Variants in AADACL4 observed in about 807,000 individuals in gnomAD.
AADACL4 encodes arylacetamide deacetylase-like 4.
Under a neutral mutation model 14.1 loss-of-function variants are expected in AADACL4, and 9 were observed. That is an observed-to-expected ratio of 0.64 (90% CI 0.39 to 1.12). The LOEUF (loss-of-function observed/expected upper bound fraction) is 1.12, where lower values mean the gene tolerates loss of function less well. Ranked by LOEUF, AADACL4 falls within the 50% of genes most tolerant of loss-of-function variation. The pLI is 0.01. For missense variants in AADACL4, 531 were observed against 516.1 expected (o/e 1.03, Z -0.28); for synonymous variants, 188 against 201.6 (o/e 0.93, Z 0.57).
chr1:12,662,384 G>A (rs867072570), intron 3 of AADACL4, among the ~76,000 whole-genome samples: 1 of 152,182 alleles, frequency 6.6e-6, no homozygotes, highest in Non-Finnish European at 1.5e-5. Context: ...TGATGGTGGG[G>A]TTGGTGAAGG....
intron 2 of AADACL4, among the ~76,000 whole-genome samples, chr1:12,653,304 G>A (rs545026234): frequency 7.2e-5 from 11 of 151,932 alleles, no homozygotes; most frequent in South Asian, 4.1e-4. Context: ...AACCATTTGC[G>A]TCAAGAAGAC....
intron 2 of AADACL4, among the ~76,000 whole-genome samples, chr1:12,657,751 G>A (rs566438902): frequency 6.6e-6 from 1 of 152,238 alleles, no homozygotes; most frequent in African/African-American, 2.4e-5. Flanking sequence ...GACCAAAATG[G>A]GTGTCCCAGA....
chr1:12,665,030 A>G (rs2100771596), intron 3 of AADACL4, among the ~76,000 whole-genome samples: 1 of 152,054 alleles, frequency 6.6e-6, no homozygotes, highest in East Asian at 1.9e-4. Context: ...TTCCGTCTCT[A>G]CATTACACCT....
intron 1 of AADACL4, among the ~76,000 whole-genome samples, chr1:12,648,480 G>A (rs777473314): frequency 1.3e-5 from 2 of 150,888 alleles, no homozygotes; most frequent in Non-Finnish European, 2.9e-5. Flanking sequence ...CACTGCAACC[G>A]CCATCTTCCG....
chr1:12,649,090 G>T (rs1647129800), intron 1 of AADACL4, among the ~76,000 whole-genome samples: 1 of 152,212 alleles, frequency 6.6e-6, no homozygotes, highest in African/African-American at 2.4e-5. Context: ...AGCCCCAGAG[G>T]AGTTCTAAAG....
In AADACL4 at chr1:12,666,080, G is replaced by C. The variant is rs1282206357; in HGVS notation, c.569G>C (p.Cys190Ser). 1 of 1,614,242 alleles carries C rather than the reference G, an allele frequency of 6.2e-7. No individual in the cohort carries two copies. Residue 190 changes from cysteine (C) to serine (S), a missense_variant, in exon 4 of 4, where the codon TGT (cysteine) becomes TCT (serine). Transcript: ENST00000376221. ...YGVDPSRVVV[C>S]GESVGGAAVA... is the part of the protein sequence containing the mutation. Reference sequence around the variant, plus strand: ...GTGGACCCCTCCAGGGTTGTGGTCTGTGGAGAAAGCGTCGGAGGTGCAGCG... The same window carrying C: ...GTGGACCCCTCCAGGGTTGTGGTCTCTGGAGAAAGCGTCGGAGGTGCAGCG...
chr1:12,646,743 G>A (rs1647113556), intron 1 of AADACL4, among the ~76,000 whole-genome samples: 1 of 152,250 alleles, frequency 6.6e-6, no homozygotes, highest in Non-Finnish European at 1.5e-5. Flanking sequence ...GTTCACAGGG[G>A]ACTCTGAGAT....
intron 2 of AADACL4, among the ~76,000 whole-genome samples, chr1:12,658,479 G>A (rs561651642): frequency 5.3e-5 from 8 of 152,192 alleles, no homozygotes; most frequent in Admixed American, 2.6e-4. Context: ...AGCTGGTGTC[G>A]AACTCCTGAC....
rs1337429862 is a variant in AADACL4 at position 12,644,650 on chromosome 1, C to T, written c.104C>T (p.Ala35Val). ...CACTTCCTCACCACGGATATCCCTG[C>T]TACCTTGCAGCATCCTGCCAAGTTG... ...FEHFLTTDIPATLQHPAKLRF... is the reference protein window; with the variant it reads ...FEHFLTTDIPVTLQHPAKLRF... The change falls in exon 1 of 4, where the codon GCT becomes GTT. Residue 35 changes from alanine (A) to valine (V), a missense_variant. Transcript: ENST00000376221. 7 of 1,614,014 alleles carry T rather than the reference C, an allele frequency of 4.3e-6. No individual in the cohort carries two copies. The highest frequency in any genetic ancestry group is 1.7e-5 in the Admixed American group (1 of 60,008).
chr1:12,647,580 A>G (rs375852335), intron 1 of AADACL4, among the ~76,000 whole-genome samples: 5 of 152,286 alleles, frequency 3.3e-5, no homozygotes, highest in South Asian at 2.1e-4. Context: ...AAAAGTTGCT[A>G]TGAATGATTT....
rs551580739 is a variant in AADACL4, at chr1:12,665,023, C to T, written c.450-938C>T. 1.8e-4 allele frequency among the ~76,000 whole-genome samples: 28 copies of T among 152,128 alleles called. No individual in the cohort carries two copies. In the South Asian group the frequency reaches 3.3e-3, roughly 18 times the overall value. ...GCTGTGGGTTTCCAGGCTAGCTTTC[C>T]GTCTCTACATTACACCTTCAGAACA... On this transcript the variant is annotated intron_variant, in intron 3 of 3. Transcript: ENST00000376221.
chr1:12,651,423 T>C, intron 2 of AADACL4, 84 bp downstream of exon 2: 1 of 1,380,600 alleles, frequency 7.2e-7, no homozygotes, highest in East Asian at 2.4e-5. Flanking sequence ...AGAACCCTTC[T>C]ACAGTAGCTT....
chr1:12,651,249 G>T lies in AADACL4; in HGVS notation c.295G>T (p.Val99Leu), dbSNP rs192329472. Residue 99 changes from valine (V) to leucine (L), a missense_variant, in exon 2 of 4, where the codon GTG becomes TTG. Transcript: ENST00000376221. ...VTDLRFGTIP[V>L]RLFQPKAASS... Reference sequence around the variant, plus strand: ...CGACCTGCGTTTTGGGACGATACCCGTGAGGCTGTTCCAGCCGAAGGCAGC... The same window carrying T: ...CGACCTGCGTTTTGGGACGATACCCTTGAGGCTGTTCCAGCCGAAGGCAGC... 1.2e-6 allele frequency: 2 copies of T among 1,614,094 alleles called. No individual in the cohort carries two copies. Among genetic ancestry groups the T allele is most frequent in the African/African-American group, 2.7e-5 (2 of 74,930 alleles).
chr1:12,656,337 A>T (rs754177466), intron 2 of AADACL4, among the ~76,000 whole-genome samples: 33 of 152,180 alleles, frequency 2.2e-4, no homozygotes, highest in Non-Finnish European at 4.1e-4. Flanking sequence ...TGTCCTCGGC[A>T]TCTAGGCATC....
intron 2 of AADACL4, among the ~76,000 whole-genome samples, chr1:12,653,562 C>A (rs1025469286): frequency 1.3e-5 from 2 of 152,162 alleles, no homozygotes; most frequent in African/African-American, 2.4e-5. Flanking sequence ...GGTTTATTAC[C>A]GCACAAACCC....
At chr1:12,657,862 C>A (rs577895051) in intron 2 of AADACL4, among the ~76,000 whole-genome samples, 1 of 152,106 alleles carries the variant, frequency 6.6e-6, no homozygotes, top group Non-Finnish European at 1.5e-5. Context: ...TGGGTCCAGT[C>A]AGTCTTAGCC....
Position 12,666,188 on chromosome 1 carries a change from A to G in AADACL4, c.677A>G (p.Gln226Arg). ...CAGGTTCTGATTTATCCAGTTGTCC[A>G]GGCATTCTGTTTGCAGTTGCCATCC... ...RAQVLIYPVV[Q>R]AFCLQLPSFQ... Residue 226 changes from glutamine (Q) to arginine (R), a missense_variant, in exon 4 of 4, where the codon CAG (glutamine) becomes CGG (arginine). Gln to Arg is a conservative substitution (Grantham distance 43). Transcript: ENST00000376221. 1 of 1,614,270 alleles carries G rather than the reference A, an allele frequency of 6.2e-7. No individual in the cohort carries two copies. Among genetic ancestry groups the G allele is most frequent in the East Asian group, 2.2e-5 (1 of 44,890 alleles).
At chr1:12,651,387 G>A (rs922137122) in intron 2 of AADACL4, 48 bp downstream of exon 2, 11 of 1,581,820 alleles carry the variant, frequency 7.0e-6, no homozygotes, top group African/African-American at 1.3e-5. Flanking sequence ...TCATCTGCAT[G>A]CATAGCCTAG....
chr1:12,648,265 C>A (rs537244297), intron 1 of AADACL4, among the ~76,000 whole-genome samples: 3 of 151,982 alleles, frequency 2.0e-5, no homozygotes, highest in Non-Finnish European at 4.4e-5. Context: ...CCACCGCAGC[C>A]GGACTGCTTT....
Sources: allele counts gnomAD v4.1 joint callset (sites outside exome capture counted in the v4.1 genomes callset), GRCh38; gene constraint gnomAD v4.1.1; transcripts MANE v1.5; gene names NCBI Gene and HGNC (gene_info 2026-07-23, HGNC 2026-07-21).